Variants in GPATCH2 observed in about 807,000 individuals in gnomAD.
GPATCH2 encodes G-patch domain containing 2, also known as G patch domain-containing protein 2.
A neutral mutation model predicts 58.0 loss-of-function variants in GPATCH2; 51 were observed. The observed-to-expected ratio is 0.88, with a 90% CI of 0.70 to 1.11. The LOEUF is 1.11. Among genes scored for constraint, GPATCH2 ranks in the 50% most tolerant of loss-of-function variants. The pLI, the probability that GPATCH2 is intolerant of heterozygous loss-of-function variation, is 0.00. For synonymous variants in GPATCH2, 222 were observed against 218.5 expected (o/e 1.02, Z -0.14); for missense variants, 625 against 652.2 (o/e 0.96, Z 0.45).
At chr1:217,604,259 G>A (rs935466364) in intron 5 of GPATCH2, among the ~76,000 whole-genome samples, 1 of 151,280 alleles carries the variant, frequency 6.6e-6, no homozygotes, top group East Asian at 2.0e-4. Context: ...GCTGAAGCAG[G>A]AGAATCACTT....
At chr1:217,458,532 G>T (rs74595082) in intron 8 of GPATCH2, among the ~76,000 whole-genome samples, 3 of 152,072 alleles carry the variant, frequency 2.0e-5, no homozygotes, top group Non-Finnish European at 4.4e-5. Context: ...AAATCGATTC[G>T]AGAGACCTGC....
rs546439061 is a variant in GPATCH2 at position 217,436,027 on chromosome 1, GT to G, written c.1367-4663del. On this transcript the variant is annotated intron_variant, in intron 9 of 9. Transcript: ENST00000366935. Reference sequence around the variant, plus strand: ...ATAACAGAAATTTAATGTAAAACTAGTTTTTTTTTCCTTAAGGGATAAAAAC... The same window carrying G: ...ATAACAGAAATTTAATGTAAAACTAGTTTTTTTTCCTTAAGGGATAAAAAC... 1.1e-3 allele frequency among the ~76,000 whole-genome samples: 163 copies of G among 151,290 alleles called. 1 individual carries two copies. In the South Asian group the frequency reaches 0.015, roughly 14 times the overall value.
intron 5 of GPATCH2, chr1:217,608,837 T>C (rs1165877231): frequency 3.0e-6 from 3 of 984,968 alleles, no homozygotes; most frequent in Non-Finnish European, 3.6e-6. Flanking sequence ...TACCTTTAAA[T>C]ATGCAAAGGT....
intron 8 of GPATCH2, among the ~76,000 whole-genome samples, chr1:217,474,710 G>T (rs1660894818): frequency 6.6e-6 from 1 of 152,142 alleles, no homozygotes; most frequent in African/African-American, 2.4e-5. Context: ...ATGAACAGCG[G>T]ACCATCTATG....
chr1:217,572,468 T>C (rs1666614691), intron 5 of GPATCH2, among the ~76,000 whole-genome samples: 1 of 152,226 alleles, frequency 6.6e-6, no homozygotes, highest in Non-Finnish European at 1.5e-5. Flanking sequence ...ATGTATTATC[T>C]AGTTTTCAGG....
chr1:217,505,532 A>T (rs1003949538), intron 6 of GPATCH2, among the ~76,000 whole-genome samples: 1 of 152,148 alleles, frequency 6.6e-6, no homozygotes, highest in Non-Finnish European at 1.5e-5. Context: ...AATGTATAGG[A>T]TTTCATGGGA....
At position 217,619,772 on chromosome 1, in the gene GPATCH2, A is replaced by G. The variant is rs1167994335; in HGVS notation, c.773+11T>C. Reference sequence around the variant, plus strand: ...ATAAATATTTTTATATTTAGAGAATATAAAAGTCACCTTTCACTCATGAGC... The same window carrying G: ...ATAAATATTTTTATATTTAGAGAATGTAAAAGTCACCTTTCACTCATGAGC... On this transcript the variant is annotated intron_variant, in intron 2 of 9. Coordinates refer to ENST00000366935, the MANE Select transcript of GPATCH2 (RefSeq NM_018040.5). 2.5e-6 allele frequency: 3 copies of G among 1,223,456 alleles called. No homozygotes were observed. The highest frequency in any genetic ancestry group is 2.3e-6 in the Non-Finnish European group (2 of 875,034). 75.8% of individuals were successfully genotyped at this position (1,223,456 alleles called of 1,614,324 possible). A position where few individuals can be genotyped will look rare whatever the true frequency, so the allele number is the denominator to read the frequency against.
intron 5 of GPATCH2, among the ~76,000 whole-genome samples, chr1:217,524,064 G>T (rs1429142201): frequency 1.3e-5 from 2 of 150,026 alleles, no homozygotes; most frequent in Non-Finnish European, 3.0e-5. Flanking sequence ...GGGGCGGCTG[G>T]CCAGGCGGGG....
In GPATCH2 at chr1:217,431,226, C is replaced by A. The variant is rs769263883; in HGVS notation, c.1506G>T (p.Arg502Ser). 1.2e-6 allele frequency: 2 copies of A among 1,611,326 alleles called. No homozygotes were observed. Among genetic ancestry groups the A allele is most frequent in the Non-Finnish European group, 1.7e-6 (2 of 1,177,424 alleles). Residue 502 changes from arginine to serine, a missense_variant, in exon 10 of 10, where the codon AGG becomes AGT. Arg to Ser is a moderately radical substitution (Grantham distance 110, BLOSUM62 -1). Transcript: ENST00000366935. ...GISEPIQAMQRPKGLGLGFPL... is the reference protein window; with the variant it reads ...GISEPIQAMQSPKGLGLGFPL... ...GAAATCCAAGTCCTAATCCCTTTGG[C>A]CTCTGCATGGCTTGAATTGGCTCAG...
intron 8 of GPATCH2, among the ~76,000 whole-genome samples, chr1:217,484,672 C>CATATATATATACATATATACACTT (rs1187805179): frequency 7.8e-4 from 117 of 149,322 alleles, no homozygotes; most frequent in African/African-American, 2.8e-3. Context: ...TATATATACA[C>CATATATATATACATATATACACTT]GTGTATACAC....
intron 6 of GPATCH2, among the ~76,000 whole-genome samples, chr1:217,499,079 T>A (rs11807211): frequency 0.015 from 2,284 of 152,260 alleles, 66 homozygotes; most frequent in African/African-American, 0.053. Flanking sequence ...ACGGGAGTTG[T>A]TAGCATTAGC....
intron 5 of GPATCH2, among the ~76,000 whole-genome samples, chr1:217,603,161 G>A (rs1253753685): frequency 1.3e-5 from 2 of 152,030 alleles, no homozygotes; most frequent in Non-Finnish European, 2.9e-5. Context: ...ACTTTGCAAG[G>A]TTCCATATTT....
At chr1:217,440,926 C>T (rs148525960) in intron 9 of GPATCH2, among the ~76,000 whole-genome samples, 4,833 of 152,124 alleles carry the variant, frequency 0.032, 187 homozygotes, top group African/African-American at 0.092. Context: ...AAAATGGCCA[C>T]GCTGCCCAAG....
chr1:217,447,234 TAGTTAG>T (rs1473643889), intron 9 of GPATCH2, among the ~76,000 whole-genome samples: 3 of 152,174 alleles, frequency 2.0e-5, no homozygotes, highest in Non-Finnish European at 4.4e-5. Context: ...TACATAGTAA[TAGTTAG>T]ATAAATCTTC....
intron 5 of GPATCH2, among the ~76,000 whole-genome samples, chr1:217,589,643 G>C (rs1194187163): frequency 6.6e-6 from 1 of 152,084 alleles, no homozygotes; most frequent in Non-Finnish European, 1.5e-5. Flanking sequence ...CATTGGATGA[G>C]ATATATTTAA....
chr1:217,622,044 T>C (rs536427825), intron 1 of GPATCH2, among the ~76,000 whole-genome samples: 68 of 152,324 alleles, frequency 4.5e-4, no homozygotes, highest in African/African-American at 1.5e-3. Flanking sequence ...AGAGCTCCAA[T>C]GTTCACCAAA....
At chr1:217,624,259 T>C (rs1669340934) in intron 1 of GPATCH2, among the ~76,000 whole-genome samples, 1 of 152,194 alleles carries the variant, frequency 6.6e-6, no homozygotes, top group South Asian at 2.1e-4. Context: ...GTCTCACGCC[T>C]GTAATCCCAG....
At chr1:217,601,522 T>C (rs981380954) in intron 5 of GPATCH2, among the ~76,000 whole-genome samples, 4 of 152,118 alleles carry the variant, frequency 2.6e-5, no homozygotes, top group African/African-American at 9.7e-5. Flanking sequence ...TACTGACATT[T>C]AAAAGCTTTG....
intron 2 of GPATCH2, among the ~76,000 whole-genome samples, chr1:217,618,227 T>TA (rs906495505): frequency 6.6e-6 from 1 of 150,910 alleles, no homozygotes. Flanking sequence ...GAAACTTTTT[T>TA]TTTTTTTTTT....
Sources: allele counts gnomAD v4.1 joint callset (sites outside exome capture counted in the v4.1 genomes callset), GRCh38; gene constraint gnomAD v4.1.1; transcripts MANE v1.5; gene names NCBI Gene and HGNC (gene_info 2026-07-23, HGNC 2026-07-21).